Variants in ATF6B observed in about 807,000 individuals in gnomAD.
The protein encoded by ATF6B is activating transcription factor 6 beta.
ATF6B carries 50 observed loss-of-function variants against 83.5 expected under a neutral mutation model. That is an observed-to-expected ratio of 0.60 (90% CI 0.48 to 0.76). The LOEUF (loss-of-function observed/expected upper bound fraction) is 0.76, where lower values mean the gene tolerates loss of function less well. Among genes scored for constraint, ATF6B ranks in the 30% least tolerant of loss-of-function variants. ATF6B has a pLI of 0.00. For synonymous variants in ATF6B, 344 were observed against 362.8 expected (o/e 0.95, Z 0.59); for missense variants, 790 against 893.8 (o/e 0.88, Z 1.48).
chr6:32,117,512 A>C lies in ATF6B; in HGVS notation c.1532+75T>G. 1 of 1,593,242 alleles carries C rather than the reference A, an allele frequency of 6.3e-7. No homozygotes were observed. Among genetic ancestry groups the C allele is most frequent in the Non-Finnish European group, 8.6e-7 (1 of 1,165,626 alleles). On this transcript the variant is annotated intron_variant, in intron 13 of 17. Coordinates refer to ENST00000375203, the MANE Select transcript of ATF6B (RefSeq NM_004381.5). This position sits in a 1 kb window ranked among gnomAD's most constrained non-coding sequence, Gnocchi z 5.0. ...GCAGGGAGCACTGGCGCTTTAGTAC[A>C]CAGGCCAGCCAGGCTGACTGCAGAA...
intron 8 of ATF6B, 180 bp downstream of exon 8, chr6:32,120,591 C>T: frequency 1.6e-6 from 1 of 642,052 alleles, no homozygotes; most frequent in Non-Finnish European, 2.4e-6. Context: ...GCTGGGATTA[C>T]AGGCGCCTGC....
rs1781938145 is a variant in ATF6B at position 32,125,598 on chromosome 6, A to C, written c.478+519T>G. On this transcript the variant is annotated intron_variant, in intron 5 of 17. Transcript: ENST00000375203. The surrounding 1 kb of genome is among the most constrained non-coding windows in gnomAD (Gnocchi z 4.1). The stretch of plus-strand genomic sequence containing the variant: ...AACATGGTGAAACCCCATCTCTACT[A>C]AAAATACAAAAAATTAGCTGGGCGT... Among the ~76,000 whole-genome samples the C allele has an allele frequency of 1.3e-5, 2 of 152,020 alleles. No individual in the cohort carries two copies. Among genetic ancestry groups the C allele is most frequent in the Non-Finnish European group, 2.9e-5 (2 of 67,994 alleles).
At chr6:32,127,410 G>C in intron 3 of ATF6B, 32 bp downstream of exon 3, 1 of 1,590,882 alleles carries the variant, frequency 6.3e-7, no homozygotes, top group Non-Finnish European at 8.6e-7. Flanking sequence ...AGGGTTTCTG[G>C]AAATCTGAGG....
rs927876286 is a variant in ATF6B, at chr6:32,128,156, T to C, written c.52A>G (p.Thr18Ala). The change falls in exon 1 of 18, where the codon ACC becomes GCC. Residue 18 changes from threonine to alanine, a missense_variant. Physicochemically the swap from Thr to Ala is moderately conservative, Grantham distance 58 (BLOSUM62 0). This residue lies in a region of ATF6B where 253 missense variants were observed against 243.1 expected (regional missense o/e 1.04). Coordinates refer to ENST00000375203, the MANE Select transcript of ATF6B (RefSeq NM_004381.5). ...TCCTCCGGGCTAAGCAGGTTGTCGG[T>C]GAAGAAACGCGTCGGGTCAGCAATC... The part of the protein sequence containing the change: ...SEIADPTRFF[T>A]DNLLSPEDWG... 1.2e-6 allele frequency: 2 copies of C among 1,612,828 alleles called. No individual in the cohort carries two copies. The highest frequency in any genetic ancestry group is 8.5e-7 in the Non-Finnish European group (1 of 1,179,968).
intron 1 of ATF6B, 95 bp from the exon 2 acceptor site, chr6:32,127,845 GC>G: frequency 7.2e-7 from 1 of 1,383,562 alleles, no homozygotes; most frequent in Non-Finnish European, 1.0e-6. Context: ...GCTCCGCTCG[GC>G]CAGACCCACC....
In ATF6B at chr6:32,118,714, G is replaced by T; in HGVS notation, c.1244+61C>A. The T allele has an allele frequency of 6.5e-7, 1 of 1,541,498 alleles. No individual in the cohort carries two copies. Among genetic ancestry groups the T allele is most frequent in the Non-Finnish European group, 9.0e-7 (1 of 1,116,062 alleles). ...GAAATGGCCTGGGCCAAAGCAGGCA[G>T]CTAGGAGGCTGTAACGTGGGCTCCA... is the stretch of plus-strand genomic sequence containing the variant. On this transcript the variant is annotated intron_variant, in intron 11 of 17. Transcript: ENST00000375203. This position sits in a 1 kb window ranked among gnomAD's most constrained non-coding sequence, Gnocchi z 5.2.
Position 32,116,336 on chromosome 6 carries a change from C to A in ATF6B, c.1882+144G>T. Reference sequence around the variant, plus strand: ...CCTCCCAAGTCTCCTGCATGGTGCTCTTCCCTCCACCTACTTCCTGCTGCT... The same window carrying A: ...CCTCCCAAGTCTCCTGCATGGTGCTATTCCCTCCACCTACTTCCTGCTGCT... On this transcript the variant is annotated intron_variant, in intron 17 of 17. Coordinates refer to ENST00000375203, the MANE Select transcript of ATF6B (RefSeq NM_004381.5). This position sits in a 1 kb window ranked among gnomAD's most constrained non-coding sequence, Gnocchi z 5.1. 1 of 768,226 alleles carries A rather than the reference C, an allele frequency of 1.3e-6. No homozygotes were observed. The allele number at this position is 768,226 out of a possible 1,614,324, so 47.6% of individuals were successfully genotyped here. A position where few individuals can be genotyped will look rare whatever the true frequency, so the allele number is the denominator to read the frequency against.
chr6:32,126,871 A>C (rs1454915085), intron 4 of ATF6B, among the ~76,000 whole-genome samples: 1 of 152,136 alleles, frequency 6.6e-6, no homozygotes, highest in African/African-American at 2.4e-5. Context: ...AAAAAAAGCA[A>C]AAAACAAAAA....
At chr6:32,127,360 A>G in intron 3 of ATF6B, 82 bp downstream of exon 3, 1 of 1,484,332 alleles carries the variant, frequency 6.7e-7, no homozygotes, top group Non-Finnish European at 9.2e-7. Context: ...GCGTGAGGAT[A>G]TAGGAAGCTA....
Position 32,120,909 on chromosome 6 carries a change from G to A in ATF6B, c.701-7C>T, listed in dbSNP as rs181161057. 6.5e-7 allele frequency: 1 copy of A among 1,528,634 alleles called. No homozygotes were observed. Among genetic ancestry groups the A allele is most frequent in the African/African-American group, 1.4e-5 (1 of 72,088 alleles). The allele number at this position is 1,528,634 out of a possible 1,614,324, so 94.7% of individuals were successfully genotyped here. ...CGGGTGGGCAGGGCTTTGCCTGAAG[G>A]AAGGTGAGAGAAAAGAACAAGAAAT... On this transcript the variant is annotated splice_region_variant and splice_polypyrimidine_tract_variant and intron_variant, in intron 7 of 17. Transcript: ENST00000375203.
rs751457752 is a variant in ATF6B, at chr6:32,119,544, G to A, written c.966+280C>T. Among the ~76,000 whole-genome samples the A allele has an allele frequency of 1.3e-5, 2 of 152,050 alleles. No homozygotes were observed. Among genetic ancestry groups the A allele is most frequent in the Non-Finnish European group, 2.9e-5 (2 of 68,010 alleles). ...CCCAACTATGGCCATGACCGTAGTCGTATAGTACAGTACGACTTCCTTGCC... is the reference window on the plus strand; with the variant it reads ...CCCAACTATGGCCATGACCGTAGTCATATAGTACAGTACGACTTCCTTGCC... On this transcript the variant is annotated intron_variant, in intron 9 of 17. Coordinates refer to ENST00000375203, the MANE Select transcript of ATF6B (RefSeq NM_004381.5). The surrounding 1 kb of genome is among the most constrained non-coding windows in gnomAD (Gnocchi z 4.9).
Position 32,116,618 on chromosome 6 carries a change from TC to T in ATF6B, c.1798-55del. 1 of 1,598,532 alleles carries T rather than the reference TC, an allele frequency of 6.3e-7. No individual in the cohort carries two copies. Among genetic ancestry groups the T allele is most frequent in the Non-Finnish European group, 8.6e-7 (1 of 1,168,000 alleles). On this transcript the variant is annotated intron_variant, in intron 16 of 17. Transcript: ENST00000375203. The surrounding 1 kb of genome is among the most constrained non-coding windows in gnomAD (Gnocchi z 5.1). ...GGTGGAGGCAAAGATGCCAACAAGCTCCCCAGCCCTACTCTACATCCCCCCA... is the reference window on the plus strand; with the variant it reads ...GGTGGAGGCAAAGATGCCAACAAGCTCCCAGCCCTACTCTACATCCCCCCA...
intron 5 of ATF6B, 53 bp from the exon 6 acceptor site, chr6:32,121,401 T>C (rs1388239059): frequency 1.3e-6 from 2 of 1,532,000 alleles, no homozygotes; most frequent in Non-Finnish European, 1.8e-6. Context: ...CACTGAAGGG[T>C]TAAGAGGGTT....
intron 5 of ATF6B, among the ~76,000 whole-genome samples, chr6:32,123,503 C>T (rs1781847173): frequency 6.6e-6 from 1 of 152,134 alleles, no homozygotes; most frequent in Non-Finnish European, 1.5e-5. Flanking sequence ...ATTCTCCTGC[C>T]TCAGCCTCCC....
Position 32,116,208 on chromosome 6 carries a change from A to T in ATF6B, c.1883-240T>A, listed in dbSNP as rs748312874. Among the ~76,000 whole-genome samples, 1 of 152,168 alleles carries T rather than the reference A, an allele frequency of 6.6e-6. No individual in the cohort carries two copies. The highest frequency in any genetic ancestry group is 1.5e-5 in the Non-Finnish European group (1 of 68,024). ...TGGGGTCACACAGGAGAGGACATCAAGAGAAAAAAGTAAGTGAGAGTCTAG... is the reference window on the plus strand; with the variant it reads ...TGGGGTCACACAGGAGAGGACATCATGAGAAAAAAGTAAGTGAGAGTCTAG... On this transcript the variant is annotated intron_variant, in intron 17 of 17. Transcript: ENST00000375203. The surrounding 1 kb of genome is among the most constrained non-coding windows in gnomAD (Gnocchi z 5.1).
chr6:32,120,986 T>C lies in ATF6B; in HGVS notation c.700+3A>G. On this transcript the variant is annotated splice_donor_region_variant and intron_variant, in intron 7 of 17. Transcript: ENST00000375203. ...GATTCCAAGTGTCAGGAGACTCCAT[T>C]ACCTGAGGAGCCATCAAGGGATGGG... 2 of 1,521,072 alleles carry C rather than the reference T, an allele frequency of 1.3e-6. No individual in the cohort carries two copies. Among genetic ancestry groups the C allele is most frequent in the Non-Finnish European group, 1.8e-6 (2 of 1,136,114 alleles). 94.2% of individuals were successfully genotyped at this position (1,521,072 alleles called of 1,614,324 possible).
In ATF6B at chr6:32,126,190, G is replaced by A. The variant is rs749648423; in HGVS notation, c.405C>T (p.Leu135=). 5 of 1,614,208 alleles carry A rather than the reference G, an allele frequency of 3.1e-6. No individual in the cohort carries two copies. Among genetic ancestry groups the A allele is most frequent in the African/African-American group, 1.3e-5 (1 of 75,058 alleles). ...ATGAGGATGTTGGGTCATCTCCCAG[G>A]AGACACAGTGGGGGTGCCAAGGACT... ...KTESLAPPLC[L]LGDDPTSSFE... The change falls in exon 5 of 18, where the codon CTC becomes CTT. Residue 135 remains leucine, a synonymous_variant. Transcript: ENST00000375203.
intron 6 of ATF6B, 28 bp downstream of exon 6, chr6:32,121,235 T>C (rs1781753573): frequency 1.2e-6 from 2 of 1,612,498 alleles, no homozygotes. Context: ...CTGGAAAACC[T>C]GGAGGAAGGA....
chr6:32,117,756 G>A lies in ATF6B; in HGVS notation c.1425-62C>T. 11 of 1,587,464 alleles carry A rather than the reference G, an allele frequency of 6.9e-6. No individual in the cohort carries two copies. The highest frequency in any genetic ancestry group is 9.4e-6 in the Non-Finnish European group (11 of 1,165,448). ...TGCCCAGCACTCCCACAACAAAGAA[G>A]GCGATGACGGCAAGAGAAAGCTTTG... On this transcript the variant is annotated intron_variant, in intron 12 of 17. Transcript: ENST00000375203. The surrounding 1 kb of genome is among the most constrained non-coding windows in gnomAD (Gnocchi z 5.0).
Sources: gnomAD v4.1 joint callset for allele counts (sites outside exome capture counted in the v4.1 genomes callset) on GRCh38, gnomAD v4.1.1 for gene constraint, gnomAD v4.1.1 regional missense constraint, Gnocchi (gnomAD v3.1) non-coding constraint, MANE v1.5 for transcripts, NCBI Gene and HGNC (gene_info 2026-07-23, HGNC 2026-07-21) for gene names.